Variants in AGBL4 observed in about 807,000 individuals in gnomAD.
AGBL4 encodes the protein AGBL carboxypeptidase 4, also known as cytosolic carboxypeptidase 6.
A neutral mutation model predicts 66.4 loss-of-function variants in AGBL4; 58 were observed. That is an observed-to-expected ratio of 0.87 (90% CI 0.71 to 1.09). The LOEUF is 1.09. Ranked by LOEUF, AGBL4 falls within the 50% of genes least tolerant of loss-of-function variation. AGBL4 has a pLI of 0.00. For synonymous variants in AGBL4, 234 were observed against 222.9 expected (o/e 1.05, Z -0.44); for missense variants, 579 against 631.0 (o/e 0.92, Z 0.88).
chr1:49,008,138 C>T (rs940200702), intron 5 of AGBL4, among the ~76,000 whole-genome samples: 53 of 151,960 alleles, frequency 3.5e-4, no homozygotes, highest in African/African-American at 8.7e-4. Context: ...ACCCATCTCA[C>T]GTGCAGAGAC....
At chr1:48,625,236 G>T (rs1322283653) in intron 9 of AGBL4, among the ~76,000 whole-genome samples, 1 of 149,924 alleles carries the variant, frequency 6.7e-6, no homozygotes, top group African/African-American at 2.5e-5. Flanking sequence ...TCACTTTGTT[G>T]CCCAGGCTGG....
chr1:48,926,289 T>C (rs1031297729), intron 5 of AGBL4, among the ~76,000 whole-genome samples: 1 of 151,578 alleles, frequency 6.6e-6, no homozygotes, highest in Non-Finnish European at 1.5e-5. Context: ...TTTATTTTAT[T>C]TATTTTTGGA....
intron 4 of AGBL4, among the ~76,000 whole-genome samples, chr1:49,237,339 G>A (rs1296784090): frequency 6.6e-6 from 1 of 151,184 alleles, no homozygotes; most frequent in Non-Finnish European, 1.5e-5. Flanking sequence ...CACCATCCAT[G>A]TAAGATATGA....
chr1:48,920,274 T>G (rs1252068193), intron 5 of AGBL4, among the ~76,000 whole-genome samples: 1 of 152,190 alleles, frequency 6.6e-6, no homozygotes, highest in African/African-American at 2.4e-5. Context: ...AGATAAAAAG[T>G]GGGGACTGTA....
At chr1:48,943,266 A>G (rs1557485957) in intron 5 of AGBL4, among the ~76,000 whole-genome samples, 1 of 152,188 alleles carries the variant, frequency 6.6e-6, no homozygotes, top group Non-Finnish European at 1.5e-5. Context: ...AGGTGGGCAA[A>G]CAATAACCAA....
chr1:49,067,771 T>C (rs1644517299), intron 4 of AGBL4, among the ~76,000 whole-genome samples: 1 of 152,216 alleles, frequency 6.6e-6, no homozygotes, highest in Non-Finnish European at 1.5e-5. Flanking sequence ...ATTTTTATTA[T>C]TATACTTTAA....
At chr1:48,877,001 G>A (rs991283408) in intron 5 of AGBL4, among the ~76,000 whole-genome samples, 2 of 152,160 alleles carry the variant, frequency 1.3e-5, no homozygotes, top group African/African-American at 4.8e-5. Flanking sequence ...CTGCTGGGAT[G>A]TCAGAGCAAG....
intron 5 of AGBL4, among the ~76,000 whole-genome samples, chr1:48,956,467 T>G (rs1657454114): frequency 6.6e-6 from 1 of 152,222 alleles, no homozygotes; most frequent in South Asian, 2.1e-4. Flanking sequence ...TAGAAATATT[T>G]AAAAGAACCT....
intron 2 of AGBL4, among the ~76,000 whole-genome samples, chr1:49,774,093 T>C (rs1245542435): frequency 6.6e-6 from 1 of 152,180 alleles, no homozygotes; most frequent in African/African-American, 2.4e-5. Context: ...TAGAAATGTA[T>C]GTCTCATGAG....
intron 11 of AGBL4, among the ~76,000 whole-genome samples, chr1:48,572,680 A>G (rs1371648754): frequency 6.6e-6 from 1 of 152,154 alleles, no homozygotes; most frequent in Non-Finnish European, 1.5e-5. Context: ...GAGACCTGGG[A>G]GAACTGAAGG....
chr1:49,557,802 TG>T (rs1643940447), intron 3 of AGBL4, among the ~76,000 whole-genome samples: 3 of 151,642 alleles, frequency 2.0e-5, no homozygotes, highest in Admixed American at 2.0e-4. Flanking sequence ...TCAGCTGGGG[TG>T]GGAAAGGGAG....
At chr1:49,692,672 C>T (rs1047187968) in intron 3 of AGBL4, among the ~76,000 whole-genome samples, 26 of 150,666 alleles carry the variant, frequency 1.7e-4, no homozygotes, top group African/African-American at 5.9e-4. Context: ...GAGCCAAGAT[C>T]GCGCCACTGC....
intron 4 of AGBL4, among the ~76,000 whole-genome samples, chr1:49,099,824 C>G (rs1042582762): frequency 1.3e-5 from 2 of 152,108 alleles, no homozygotes; most frequent in Non-Finnish European, 2.9e-5. Flanking sequence ...ACTGACTTCA[C>G]TAAAAGACAA....
At chr1:48,871,755 G>A (rs150700798) in intron 5 of AGBL4, among the ~76,000 whole-genome samples, 41 of 152,222 alleles carry the variant, frequency 2.7e-4, no homozygotes, top group African/African-American at 9.4e-4. Context: ...TTGCCAGAGT[G>A]TCTATAGTGG....
intron 2 of AGBL4, among the ~76,000 whole-genome samples, chr1:49,725,681 G>T (rs1357026021): frequency 2.1e-5 from 3 of 142,382 alleles, no homozygotes; most frequent in Admixed American, 7.0e-5. Context: ...TTCCTTTGTG[G>T]GTTTTTTTTT....
At chr1:48,796,412 A>G (rs188835681) in intron 6 of AGBL4, among the ~76,000 whole-genome samples, 42 of 152,346 alleles carry the variant, frequency 2.8e-4, no homozygotes, top group Admixed American at 1.8e-3. Flanking sequence ...ATAGGTAGGA[A>G]CAGTAAACTC....
intron 1 of AGBL4, among the ~76,000 whole-genome samples, chr1:49,926,451 A>G (rs1183357246): frequency 6.6e-6 from 1 of 152,200 alleles, no homozygotes; most frequent in Non-Finnish European, 1.5e-5. Flanking sequence ...GATTGTGAAG[A>G]CAACAAAAAA....
intron 6 of AGBL4, among the ~76,000 whole-genome samples, chr1:48,663,783 G>C (rs1422662919): frequency 1.3e-5 from 2 of 152,008 alleles, no homozygotes; most frequent in Non-Finnish European, 2.9e-5. Flanking sequence ...TTTGTGTCAG[G>C]CACATTATAC....
At chr1:48,606,809 C>T (rs565733417) in intron 9 of AGBL4, among the ~76,000 whole-genome samples, 1 of 152,186 alleles carries the variant, frequency 6.6e-6, no homozygotes, top group Non-Finnish European at 1.5e-5. Flanking sequence ...TTCCATCCTG[C>T]AGCCAGAGTG....
Sources: allele counts gnomAD v4.1 joint callset (sites outside exome capture counted in the v4.1 genomes callset), GRCh38; gene constraint gnomAD v4.1.1; transcripts MANE v1.5; gene names NCBI Gene and HGNC (gene_info 2026-07-23, HGNC 2026-07-21).